ZNF804B: variants seen among roughly 807,000 people sequenced by gnomAD.
ZNF804B encodes zinc finger 804B.
In ZNF804B, 80 loss-of-function variants were observed where a neutral mutation model predicts 101.4. That is an observed-to-expected ratio of 0.79 (90% CI 0.66 to 0.95). The LOEUF (loss-of-function observed/expected upper bound fraction) is 0.95. ZNF804B is among the 40% of genes least tolerant of loss of function. The pLI is 0.00. For synonymous variants in ZNF804B, 622 were observed against 558.8 expected (o/e 1.11, Z -1.59); for missense variants, 1,673 against 1,561.9 (o/e 1.07, Z -1.20).
intron 2 of ZNF804B, among the ~76,000 whole-genome samples, chr7:89,325,056 T>C (rs1275157592): frequency 2.0e-5 from 3 of 151,996 alleles, no homozygotes; most frequent in African/African-American, 7.2e-5. Flanking sequence ...AAACAGCCAC[T>C]ATTCCTGGCT....
chr7:88,801,759 A>C (rs369757401), intron 1 of ZNF804B, among the ~76,000 whole-genome samples: 2 of 152,254 alleles, frequency 1.3e-5, no homozygotes, highest in East Asian at 3.9e-4. Flanking sequence ...TTTTTATAGA[A>C]AAAAAGAACT....
chr7:89,305,313 T>C (rs1021521152), intron 2 of ZNF804B, among the ~76,000 whole-genome samples: 26 of 152,032 alleles, frequency 1.7e-4, no homozygotes, highest in African/African-American at 6.0e-4. Context: ...GAGTCTGTTA[T>C]GATTTTCTTT....
At chr7:89,028,946 C>A (rs17303604) in intron 1 of ZNF804B, among the ~76,000 whole-genome samples, 1 of 151,970 alleles carries the variant, frequency 6.6e-6, no homozygotes, top group African/African-American at 2.4e-5. Flanking sequence ...CACTTATTTA[C>A]AGGAATTGAT....
Position 88,801,923 on chromosome 7 carries a change from G to C in ZNF804B, c.108+41839G>C, listed in dbSNP as rs1790597140. Among the ~76,000 whole-genome samples, 2 of 152,108 alleles carry C rather than the reference G, an allele frequency of 1.3e-5. 1 individual carries two copies. Among genetic ancestry groups the C allele is most frequent in the African/African-American group, 4.8e-5 (2 of 41,420 alleles). ...ATATTTAAAAATAAAATTTGGATCT[G>C]ATATGGTTTGGCTGTGTGGCCCCAC... On this transcript the variant is annotated intron_variant, in intron 1 of 3. Coordinates refer to ENST00000333190, the MANE Select transcript of ZNF804B (RefSeq NM_181646.5).
intron 2 of ZNF804B, among the ~76,000 whole-genome samples, chr7:89,239,686 T>C (rs117651857): frequency 0.013 from 1,994 of 152,210 alleles, 16 homozygotes; most frequent in Non-Finnish European, 0.02. Flanking sequence ...GGTTCCCATA[T>C]GTAGATTAGT....
At chr7:89,164,906 C>T (rs1380408788) in intron 1 of ZNF804B, among the ~76,000 whole-genome samples, 2 of 151,974 alleles carry the variant, frequency 1.3e-5, no homozygotes, top group Non-Finnish European at 2.9e-5. Flanking sequence ...ATTTGTCTTG[C>T]TCTATACCAT....
rs761581892 is a variant in ZNF804B at position 89,336,366 on chromosome 7, C to A, written c.3384C>A (p.Val1128=). 6.2e-7 allele frequency: 1 copy of A among 1,613,932 alleles called. No individual in the cohort carries two copies. Among genetic ancestry groups the A allele is most frequent in the Non-Finnish European group, 8.5e-7 (1 of 1,179,982 alleles). ...YDRTMQKPDK[V]EDGLEMCHKS... ...GAACTATGCAGAAACCTGACAAAGT[C>A]GAAGACGGATTAGAAATGTGTCATA... Residue 1128 remains valine (V), a synonymous_variant, in exon 4 of 4, where the codon GTC becomes GTA. Transcript: ENST00000333190.
intron 1 of ZNF804B, among the ~76,000 whole-genome samples, chr7:88,843,260 CAT>C (rs1185843115): frequency 1.3e-5 from 2 of 152,054 alleles, no homozygotes; most frequent in African/African-American, 4.8e-5. Flanking sequence ...ATTTATTCCT[CAT>C]GTAATTATGA....
At chr7:88,832,999 C>A (rs1358628473) in intron 1 of ZNF804B, among the ~76,000 whole-genome samples, 1 of 151,846 alleles carries the variant, frequency 6.6e-6, no homozygotes, top group Non-Finnish European at 1.5e-5. Context: ...TGCAGTGAGG[C>A]CAGGGCAGTT....
chr7:88,827,612 T>A (rs953893409), intron 1 of ZNF804B, among the ~76,000 whole-genome samples: 1 of 152,118 alleles, frequency 6.6e-6, no homozygotes, highest in East Asian at 1.9e-4. Context: ...CTTTTATCTG[T>A]ACTTTACTAT....
chr7:88,863,015 A>G (rs1791673393), intron 1 of ZNF804B, among the ~76,000 whole-genome samples: 1 of 152,168 alleles, frequency 6.6e-6, no homozygotes, highest in African/African-American at 2.4e-5. Flanking sequence ...ATTAGTGGCC[A>G]TGATGATAAA....
intron 1 of ZNF804B, among the ~76,000 whole-genome samples, chr7:88,806,616 GGTGT>G (rs145554500): frequency 9.4e-5 from 14 of 148,984 alleles, no homozygotes; most frequent in Non-Finnish European, 1.8e-4. Flanking sequence ...TCATTTGAGG[GGTGT>G]GTGTGTGTGT....
At chr7:89,279,813 C>A (rs890249180) in intron 2 of ZNF804B, among the ~76,000 whole-genome samples, 1 of 151,766 alleles carries the variant, frequency 6.6e-6, no homozygotes, top group African/African-American at 2.4e-5. Flanking sequence ...CTAAAATTCT[C>A]TTTTTTGGTT....
intron 1 of ZNF804B, among the ~76,000 whole-genome samples, chr7:89,113,129 T>C (rs899137085): frequency 6.6e-6 from 1 of 152,176 alleles, no homozygotes; most frequent in Non-Finnish European, 1.5e-5. Flanking sequence ...GGAACTATAG[T>C]GAAAATGTCA....
intron 1 of ZNF804B, among the ~76,000 whole-genome samples, chr7:88,932,500 T>C (rs189241852): frequency 6.6e-6 from 1 of 151,496 alleles, no homozygotes; most frequent in African/African-American, 2.4e-5. Flanking sequence ...TGACCATTAG[T>C]GAGATTAACC....
chr7:88,794,827 C>T (rs141995683), intron 1 of ZNF804B: 161 of 1,613,720 alleles, frequency 1.0e-4, no homozygotes, highest in Non-Finnish European at 1.3e-4. Context: ...TAGGTGTAGT[C>T]GTTGTTTCTC....
At chr7:88,846,503 T>C (rs1470475475) in intron 1 of ZNF804B, among the ~76,000 whole-genome samples, 1 of 152,176 alleles carries the variant, frequency 6.6e-6, no homozygotes, top group African/African-American at 2.4e-5. Flanking sequence ...AGTGTGTAAG[T>C]AGACATTTAT....
At chr7:88,935,290 C>T (rs1021269524) in intron 1 of ZNF804B, among the ~76,000 whole-genome samples, 2 of 150,496 alleles carry the variant, frequency 1.3e-5, no homozygotes, top group Admixed American at 1.3e-4. Flanking sequence ...GCACCAGAAT[C>T]TCAGAAATCA....
At chr7:89,169,995 G>A (rs1415550936) in intron 1 of ZNF804B, among the ~76,000 whole-genome samples, 4 of 152,114 alleles carry the variant, frequency 2.6e-5, no homozygotes, top group African/African-American at 9.7e-5. Context: ...AATTTCGAAG[G>A]CCTTGGATAA....
Sources: gnomAD v4.1 joint callset for allele counts (sites outside exome capture counted in the v4.1 genomes callset) on GRCh38, gnomAD v4.1.1 for gene constraint, MANE v1.5 for transcripts, NCBI Gene and HGNC (gene_info 2026-07-23, HGNC 2026-07-21) for gene names.